The following RAP1GDS1 variants were observed in gnomAD, a reference collection of about 807,000 sequenced individuals.
RAP1GDS1 encodes Rap1 GTPase-GDP dissociation stimulator 1.
A neutral mutation model predicts 71.1 loss-of-function variants in RAP1GDS1; 35 were observed. That is an observed-to-expected ratio of 0.49 (90% CI 0.38 to 0.65). The LOEUF is 0.65. Among genes scored for constraint, RAP1GDS1 ranks in the 30% least tolerant of loss-of-function variants. RAP1GDS1 has a pLI of 0.00. For synonymous variants in RAP1GDS1, 229 were observed against 243.1 expected, an observed-to-expected ratio of 0.94 and a Z score of 0.54; for missense variants, 663 against 706.1, an observed-to-expected ratio of 0.94 and a Z score of 0.69.
chr4:98,410,179 G>A (rs1746826410), intron 7 of RAP1GDS1, among the ~76,000 whole-genome samples: 1 of 152,088 alleles, frequency 6.6e-6, no homozygotes, highest in Non-Finnish European at 1.5e-5. Flanking sequence ...GACTGGATGA[G>A]AGAATATAAT....
intron 4 of RAP1GDS1, among the ~76,000 whole-genome samples, chr4:98,363,469 A>T (rs1739037751): frequency 8.5e-6 from 1 of 118,048 alleles, no homozygotes; most frequent in Admixed American, 1.1e-4. Flanking sequence ...TAACAGTGAG[A>T]CCCTGTCTCA....
chr4:98,297,018 CTT>C (rs368390868), intron 2 of RAP1GDS1: 241 of 152,626 alleles, frequency 1.6e-3, no homozygotes, highest in South Asian at 6.9e-3. Context: ...GCCTCGTTCT[CTT>C]TTTTTTTTTT....
At chr4:98,314,359 A>G (rs1435431498) in intron 2 of RAP1GDS1, among the ~76,000 whole-genome samples, 2 of 152,226 alleles carry the variant, frequency 1.3e-5, no homozygotes, top group Admixed American at 6.5e-5. Context: ...AAAGAAATCA[A>G]GTTTCCTTGG....
rs766357715 is a variant in RAP1GDS1 at position 98,418,687 on chromosome 4, G to C, written c.1070G>C (p.Gly357Ala). ...AATTGTATTCATATGGTAGACAATGGGATTGTAGAAAAACTTATGGATTTA... is the reference window on the plus strand; with the variant it reads ...AATTGTATTCATATGGTAGACAATGCGATTGTAGAAAAACTTATGGATTTA... ...DANCIHMVDNGIVEKLMDLLD... is the reference protein window; with the variant it reads ...DANCIHMVDNAIVEKLMDLLD... Residue 357 changes from glycine to alanine, a missense_variant, in exon 10 of 15, where the codon GGG becomes GCG. By Grantham distance (60) the Gly-to-Ala change is moderately conservative. Coordinates refer to ENST00000408927, the MANE Select transcript of RAP1GDS1 (RefSeq NM_001100427.2). 5.6e-6 allele frequency: 9 copies of C among 1,608,994 alleles called. No individual in the cohort carries two copies. The Admixed American group carries it at 1.3e-4, about 24-fold the overall frequency.
At chr4:98,271,314 A>G (rs1289201464) in intron 1 of RAP1GDS1, among the ~76,000 whole-genome samples, 1 of 152,198 alleles carries the variant, frequency 6.6e-6, no homozygotes, top group Non-Finnish European at 1.5e-5. Context: ...AATAAAACTC[A>G]TTTTATAATT....
At chr4:98,377,219 A>G (rs535489927) in intron 4 of RAP1GDS1, among the ~76,000 whole-genome samples, 4 of 151,946 alleles carry the variant, frequency 2.6e-5, no homozygotes, top group Non-Finnish European at 5.9e-5. Context: ...ATCAAATACT[A>G]TTCGAGCTTT....
Position 98,343,205 on chromosome 4 carries a change from C to A in RAP1GDS1, c.179C>A (p.Pro60Gln), listed in dbSNP as rs779666303. Residue 60 changes from proline (P) to glutamine (Q), a missense_variant, in exon 3 of 15, where the codon CCA becomes CAA. Physicochemically the swap from Pro to Gln is moderately conservative, Grantham distance 76. Coordinates refer to ENST00000408927, the MANE Select transcript of RAP1GDS1 (RefSeq NM_001100427.2). ...CAGCTGTTTGCAAGTCTGTTGACTC[C>A]ACAGTCTTCCTGCAAAGCCAAAGTA... ...ILQLFASLLT[P>Q]QSSCKAKVAN... 1.2e-6 allele frequency: 2 copies of A among 1,605,294 alleles called. No individual in the cohort carries two copies. Among genetic ancestry groups the A allele is most frequent in the Middle Eastern group, 1.7e-4 (1 of 6,052 alleles).
intron 4 of RAP1GDS1, among the ~76,000 whole-genome samples, chr4:98,377,628 T>TTGTGTGTGTGTGTGTG (rs58691883): frequency 1.1e-3 from 164 of 149,386 alleles, no homozygotes; most frequent in African/African-American, 3.6e-3. Context: ...TACTATATAA[T>TTGTGTGTGTGTGTGTG]TGTGTGTGTG....
At chr4:98,388,768 T>A (rs1743159044) in intron 5 of RAP1GDS1, among the ~76,000 whole-genome samples, 1 of 152,124 alleles carries the variant, frequency 6.6e-6, no homozygotes, top group Non-Finnish European at 1.5e-5. Flanking sequence ...TTGACACTGG[T>A]TCTTAAATTT....
At chr4:98,402,156 C>A (rs1056508481) in intron 6 of RAP1GDS1, among the ~76,000 whole-genome samples, 33 of 152,270 alleles carry the variant, frequency 2.2e-4, no homozygotes, top group African/African-American at 7.2e-4. Context: ...CACTGCACCT[C>A]TGCCTCTCAG....
intron 2 of RAP1GDS1, among the ~76,000 whole-genome samples, chr4:98,326,120 G>T (rs930525827): frequency 2.6e-5 from 4 of 151,022 alleles, no homozygotes; most frequent in Non-Finnish European, 5.9e-5. Context: ...TTTTTTTAAA[G>T]TGCTTTGGTT....
intron 1 of RAP1GDS1, among the ~76,000 whole-genome samples, chr4:98,280,821 T>C (rs902553367): frequency 6.6e-6 from 1 of 152,256 alleles, no homozygotes; most frequent in African/African-American, 2.4e-5. Flanking sequence ...TTCAGCTTTC[T>C]ACATATGGCT....
At chr4:98,298,122 T>G (rs1728050232) in intron 2 of RAP1GDS1, among the ~76,000 whole-genome samples, 1 of 152,132 alleles carries the variant, frequency 6.6e-6, no homozygotes, top group East Asian at 1.9e-4. Context: ...GGCCGAGAGG[T>G]GAGGAGACTG....
intron 8 of RAP1GDS1, 91 bp from the exon 9 acceptor site, chr4:98,417,276 G>A (rs1439805388): frequency 7.7e-7 from 1 of 1,295,984 alleles, no homozygotes; most frequent in Non-Finnish European, 1.1e-6. Context: ...TGTGAGGTGT[G>A]AGTTTCCAGT....
chr4:98,298,941 G>C (rs1000726181), intron 2 of RAP1GDS1, among the ~76,000 whole-genome samples: 7 of 151,992 alleles, frequency 4.6e-5, no homozygotes, highest in African/African-American at 1.7e-4. Flanking sequence ...AAGTTCTAGG[G>C]TACATGTGCA....
intron 1 of RAP1GDS1, among the ~76,000 whole-genome samples, chr4:98,287,126 A>G (rs1422350960): frequency 6.6e-6 from 1 of 152,168 alleles, no homozygotes; most frequent in Non-Finnish European, 1.5e-5. Context: ...AATTTTCACT[A>G]TAGTGAGTAG....
At chr4:98,386,668 AAAG>A (rs1395369627) in intron 5 of RAP1GDS1, among the ~76,000 whole-genome samples, 2 of 151,774 alleles carry the variant, frequency 1.3e-5, no homozygotes, top group Non-Finnish European at 2.9e-5. Flanking sequence ...TGTTTGATAT[AAAG>A]AAGGCTTTAA....
intron 10 of RAP1GDS1, among the ~76,000 whole-genome samples, chr4:98,419,370 G>T (rs529456661): frequency 2.2e-4 from 34 of 152,250 alleles, no homozygotes; most frequent in African/African-American, 6.7e-4. Context: ...ATCTTTAGTT[G>T]AGGTAGAATA....
intron 1 of RAP1GDS1, among the ~76,000 whole-genome samples, chr4:98,276,403 T>C (rs1320969871): frequency 6.6e-6 from 1 of 152,148 alleles, no homozygotes; most frequent in Non-Finnish European, 1.5e-5. Context: ...TTGTAACGGT[T>C]TTCCATTACC....
Sources: allele counts gnomAD v4.1 joint callset (sites outside exome capture counted in the v4.1 genomes callset), GRCh38; gene constraint gnomAD v4.1.1; transcripts MANE v1.5; gene names NCBI Gene and HGNC (gene_info 2026-07-23, HGNC 2026-07-21).